GRM8: variants seen among roughly 807,000 people sequenced by gnomAD.
GRM8 encodes the protein metabotropic glutamate receptor 8.
In GRM8, 47 loss-of-function variants were observed where a neutral mutation model predicts 87.2. The ratio of observed to expected loss-of-function variants is 0.54; its 90% CI spans 0.43 to 0.69. The LOEUF (loss-of-function observed/expected upper bound fraction) is 0.69. Among genes scored for constraint, GRM8 ranks in the 30% least tolerant of loss-of-function variants. The pLI is 0.00. For missense variants in GRM8, 1,019 were observed against 1,139.2 expected (o/e 0.89, Z 1.52); for synonymous variants, 396 against 404.5 (o/e 0.98, Z 0.25).
At chr7:126,920,710 C>T (rs1180227050) in intron 3 of GRM8, among the ~76,000 whole-genome samples, 2 of 152,142 alleles carry the variant, frequency 1.3e-5, no homozygotes, top group Non-Finnish European at 1.5e-5. Flanking sequence ...GGACATCAAA[C>T]ACAGCTGAAG....
intron 7 of GRM8, among the ~76,000 whole-genome samples, chr7:126,653,754 T>C (rs1002847820): frequency 2.0e-5 from 3 of 152,244 alleles, no homozygotes; most frequent in African/African-American, 7.2e-5. Context: ...TTTGTTTTAA[T>C]GCACTTCAGT....
rs77035719 is a variant in GRM8 at position 127,141,364 on chromosome 7, T to C, written c.511-34652A>G. 4.7e-3 allele frequency among the ~76,000 whole-genome samples: 712 copies of C among 152,264 alleles called. 11 individuals carry two copies. The highest frequency in any genetic ancestry group is 0.016 in the African/African-American group (670 of 41,556). ...ATGCTAGAATTCATGTTCAATTAAT[T>C]CTTCTAGATAGTTTACCTTAATTTT... On this transcript the variant is annotated intron_variant, in intron 2 of 10. Coordinates refer to ENST00000339582, the MANE Select transcript of GRM8 (RefSeq NM_000845.3).
chr7:127,182,268 G>T (rs1794486478), intron 2 of GRM8, among the ~76,000 whole-genome samples: 1 of 151,958 alleles, frequency 6.6e-6, no homozygotes. Context: ...TAATGATCAG[G>T]AAAATGCAAA....
chr7:127,206,031 T>C (rs1443504661), intron 2 of GRM8, among the ~76,000 whole-genome samples: 1 of 152,218 alleles, frequency 6.6e-6, no homozygotes, highest in Non-Finnish European at 1.5e-5. Context: ...CAGGTATAGA[T>C]GGGAGAACTG....
At chr7:126,903,868 A>C (rs1432109924) in intron 5 of GRM8, 104 bp downstream of exon 5, 1 of 584,242 alleles carries the variant, frequency 1.7e-6, no homozygotes, top group East Asian at 3.1e-5. Flanking sequence ...ATTTGTATCA[A>C]GTCATCAGTA....
At chr7:126,690,844 G>A (rs1210731126) in intron 7 of GRM8, among the ~76,000 whole-genome samples, 1 of 152,166 alleles carries the variant, frequency 6.6e-6, no homozygotes, top group Admixed American at 6.5e-5. Flanking sequence ...CCCATAATGT[G>A]TAGCTCCTCT....
intron 9 of GRM8, among the ~76,000 whole-genome samples, chr7:126,519,734 T>A (rs552812591): frequency 1.3e-5 from 2 of 152,152 alleles, no homozygotes; most frequent in Non-Finnish European, 2.9e-5. Flanking sequence ...AAGAACTTTA[T>A]GGCAAAAATC....
At position 126,533,173 on chromosome 7, in the gene GRM8, TG is replaced by T; in HGVS notation, c.2208del (p.Arg737GlyfsTer23). ...GAAATGTCACACTTGAGCACTCCCCTGGCCTTCTCTGGATCTAGTGTCCGCT... is the reference window on the plus strand; with the variant it reads ...GAAATGTCACACTTGAGCACTCCCCTGCCTTCTCTGGATCTAGTGTCCGCT... ...GEQRTLDPEK[A>X]RGVLKCDISD... On this transcript the variant is annotated frameshift_variant, in exon 9 of 11. Transcript: ENST00000339582. LOFTEE classifies it high-confidence loss of function. The T allele has an allele frequency of 6.2e-7, 1 of 1,612,828 alleles. No individual in the cohort carries two copies. The highest frequency in any genetic ancestry group is 8.5e-7 in the Non-Finnish European group (1 of 1,179,658).
intron 3 of GRM8, among the ~76,000 whole-genome samples, chr7:126,977,937 C>T (rs1231035409): frequency 6.6e-6 from 1 of 151,392 alleles, no homozygotes; most frequent in East Asian, 1.9e-4. Context: ...ATGAAGTATC[C>T]ACAAATGAAA....
At chr7:127,093,544 T>C (rs1437183949) in intron 3 of GRM8, among the ~76,000 whole-genome samples, 1 of 152,234 alleles carries the variant, frequency 6.6e-6, no homozygotes, top group African/African-American at 2.4e-5. Flanking sequence ...TGATTCATGA[T>C]GTAAATGTAA....
chr7:126,806,619 C>A (rs1792761637), intron 6 of GRM8, among the ~76,000 whole-genome samples: 1 of 152,250 alleles, frequency 6.6e-6, no homozygotes, highest in Admixed American at 6.5e-5. Context: ...GGTACGTTTA[C>A]AATCCTTTAG....
At chr7:126,979,458 C>T (rs371246116) in intron 3 of GRM8, among the ~76,000 whole-genome samples, 11 of 152,250 alleles carry the variant, frequency 7.2e-5, no homozygotes, top group East Asian at 5.8e-4. Flanking sequence ...TATTGAAAGA[C>T]GTTGCTTTCC....
At chr7:127,125,730 C>A (rs1827325769) in intron 2 of GRM8, among the ~76,000 whole-genome samples, 1 of 145,262 alleles carries the variant, frequency 6.9e-6, no homozygotes, top group African/African-American at 2.6e-5. Context: ...ATCAGGGGAC[C>A]AATATCCAGA....
In GRM8 at chr7:126,685,086, C is replaced by T. The variant is rs1309153103; in HGVS notation, c.1358-75588G>A. 1.3e-5 allele frequency among the ~76,000 whole-genome samples: 2 copies of T among 152,188 alleles called. No homozygotes were observed. The highest frequency in any genetic ancestry group is 2.9e-5 in the Non-Finnish European group (2 of 68,024). On this transcript the variant is annotated intron_variant, in intron 7 of 10. Coordinates refer to ENST00000339582, the MANE Select transcript of GRM8 (RefSeq NM_000845.3). The surrounding 1 kb of genome is among the most constrained non-coding windows in gnomAD (Gnocchi z 4.2). ...AGGAAGCTGACTGCACTGCCCCCAC[C>T]TTCACGCAGCCGGGCAGTACCCACT...
At chr7:127,232,570 C>T (rs1221243600) in intron 2 of GRM8, among the ~76,000 whole-genome samples, 2 of 152,004 alleles carry the variant, frequency 1.3e-5, no homozygotes, top group Non-Finnish European at 2.9e-5. Context: ...GTTTCTTGAC[C>T]AATGACTATA....
chr7:126,846,741 GAAGA>G lies in GRM8; in HGVS notation c.1156+55797_1156+55800del, dbSNP rs758310570. Among the ~76,000 whole-genome samples, 338 of 152,142 alleles carry G rather than the reference GAAGA, an allele frequency of 2.2e-3. 1 individual carries two copies. Among genetic ancestry groups the G allele is most frequent in the Admixed American group, 4.1e-3 (62 of 15,272 alleles). On this transcript the variant is annotated intron_variant, in intron 6 of 10. Transcript: ENST00000339582. ...CAAAAAAAAAGAAGGAAGAGAGAAG[GAAGA>G]AAGAAGGTTAAAATAAAAGAGAGTA... is the stretch of plus-strand genomic sequence containing the variant.
At chr7:126,931,655 CT>C (rs917198150) in intron 3 of GRM8, among the ~76,000 whole-genome samples, 1 of 152,054 alleles carries the variant, frequency 6.6e-6, no homozygotes, top group Admixed American at 6.5e-5. Context: ...GTAAATATGT[CT>C]TTATAATTCT....
chr7:126,647,484 C>G (rs1803284867), intron 7 of GRM8, among the ~76,000 whole-genome samples: 1 of 152,054 alleles, frequency 6.6e-6, no homozygotes, highest in African/African-American at 2.4e-5. Context: ...AGCCTATTCC[C>G]TTCTTCAAAT....
At chr7:127,079,446 A>G (rs1224628500) in intron 3 of GRM8, among the ~76,000 whole-genome samples, 1 of 152,222 alleles carries the variant, frequency 6.6e-6, no homozygotes, top group Non-Finnish European at 1.5e-5. Context: ...GTTAATGACA[A>G]TCAAACTTTG....
Sources: allele counts gnomAD v4.1 joint callset (sites outside exome capture counted in the v4.1 genomes callset), GRCh38; gene constraint gnomAD v4.1.1; non-coding constraint Gnocchi (gnomAD v3.1); transcripts MANE v1.5; gene names NCBI Gene and HGNC (gene_info 2026-07-23, HGNC 2026-07-21).